SPTLC2: variants seen among roughly 807,000 people sequenced by gnomAD.
SPTLC2 encodes serine palmitoyltransferase 2.
In SPTLC2, 21 loss-of-function variants were observed where a neutral mutation model predicts 62.0. That is an observed-to-expected ratio of 0.34 (90% CI 0.24 to 0.49). The LOEUF is 0.49. Among genes scored for constraint, SPTLC2 ranks in the 20% least tolerant of loss-of-function variants. The pLI, the probability that SPTLC2 is intolerant of heterozygous loss-of-function variation, is 0.99. For missense variants in SPTLC2, 511 were observed against 713.0 expected (o/e 0.72, Z 3.23); for synonymous variants, 261 against 261.8 (o/e 1.00, Z 0.03).
At chr14:77,539,314 C>G (rs1594977957) in intron 9 of SPTLC2, among the ~76,000 whole-genome samples, 1 of 151,682 alleles carries the variant, frequency 6.6e-6, no homozygotes, top group African/African-American at 2.4e-5. Context: ...GGCAAGCCAA[C>G]AGGAGACAGT....
intron 2 of SPTLC2, among the ~76,000 whole-genome samples, chr14:77,581,650 G>A (rs1180094496): frequency 6.6e-6 from 1 of 151,974 alleles, no homozygotes; most frequent in African/African-American, 2.4e-5. Flanking sequence ...GACCTCAGGC[G>A]ATCCACCCAC....
intron 1 of SPTLC2, 126 bp downstream of exon 1, chr14:77,616,322 C>T: frequency 2.0e-6 from 1 of 491,998 alleles, no homozygotes; most frequent in Non-Finnish European, 3.0e-6. Flanking sequence ...ACACTGCCGC[C>T]CACACCTGCG....
At chr14:77,597,406 T>C (rs774748368) in intron 1 of SPTLC2, 26 bp from the exon 2 acceptor site, 21 of 1,598,536 alleles carry the variant, frequency 1.3e-5, no homozygotes, top group Admixed American at 1.2e-4. Flanking sequence ...AAAATGTTTA[T>C]TTCCATCATG....
chr14:77,610,718 G>A (rs1183327197), intron 1 of SPTLC2, among the ~76,000 whole-genome samples: 1 of 152,010 alleles, frequency 6.6e-6, no homozygotes, highest in Non-Finnish European at 1.5e-5. Context: ...TTGGTAGGCT[G>A]AAGCAGGAGG....
chr14:77,538,943 C>CTGT (rs989070418), intron 9 of SPTLC2, among the ~76,000 whole-genome samples: 37 of 151,806 alleles, frequency 2.4e-4, no homozygotes, highest in African/African-American at 9.0e-4. Flanking sequence ...AGCTGTATGG[C>CTGT]TACAGCCAAG....
chr14:77,587,225 A>G (rs897115103), intron 2 of SPTLC2, among the ~76,000 whole-genome samples: 6 of 144,938 alleles, frequency 4.1e-5, no homozygotes, highest in Non-Finnish European at 7.6e-5. Flanking sequence ...AACGAGACTC[A>G]GTCTCAAAAA....
intron 2 of SPTLC2, among the ~76,000 whole-genome samples, chr14:77,584,740 T>C (rs1285151498): frequency 2.6e-5 from 4 of 152,164 alleles, no homozygotes; most frequent in African/African-American, 4.8e-5. Context: ...CCCATTCTTT[T>C]CCTATGTTCT....
chr14:77,553,060 A>G (rs2079563958), intron 8 of SPTLC2, among the ~76,000 whole-genome samples: 1 of 152,166 alleles, frequency 6.6e-6, no homozygotes, highest in African/African-American at 2.4e-5. Context: ...GAAACTTACA[A>G]GGTATTTTAT....
chr14:77,548,938 GC>G (rs2079542605), intron 9 of SPTLC2, among the ~76,000 whole-genome samples: 1 of 152,118 alleles, frequency 6.6e-6, no homozygotes, highest in Non-Finnish European at 1.5e-5. Flanking sequence ...ACATGTTTAA[GC>G]CTTACTTTCA....
In SPTLC2 at chr14:77,550,817, T is replaced by A. The variant is rs140947370; in HGVS notation, c.1303+1279A>T. ...TACTTGGGAGGCTGAAACAGGAGAA[T>A]CATGTGAACCTGGGAAGCGGAGGTT... On this transcript the variant is annotated intron_variant, in intron 9 of 11. Transcript: ENST00000216484. Among the ~76,000 whole-genome samples, 499 of 150,468 alleles carry A rather than the reference T, an allele frequency of 3.3e-3. 1 individual carries two copies. The highest frequency in any genetic ancestry group is 0.028 in the Middle Eastern group (8 of 288).
At chr14:77,530,439 G>A (rs1166352298) in intron 9 of SPTLC2, among the ~76,000 whole-genome samples, 1 of 151,892 alleles carries the variant, frequency 6.6e-6, no homozygotes, top group Non-Finnish European at 1.5e-5. Context: ...AGCGATTCTC[G>A]TGCCTCAGCC....
Position 77,592,410 on chromosome 14 carries a change from T to C in SPTLC2, c.327+4776A>G, listed in dbSNP as rs1247674064. 2.6e-5 allele frequency among the ~76,000 whole-genome samples: 4 copies of C among 152,086 alleles called. No homozygotes were observed. The East Asian group carries it at 5.8e-4, about 22-fold the overall frequency. ...TCGGCCTCCCAAAGTGCTGGGATTA[T>C]AGGTGTGAGCCATCGCACCCGGCTG... On this transcript the variant is annotated intron_variant, in intron 2 of 11. Transcript: ENST00000216484.
chr14:77,567,447 T>C (rs143656235), intron 5 of SPTLC2, among the ~76,000 whole-genome samples: 123 of 152,362 alleles, frequency 8.1e-4, no homozygotes, highest in African/African-American at 2.7e-3. Flanking sequence ...CAGCAACGTA[T>C]TATAACGTGA....
chr14:77,571,125 C>T (rs1488792102), intron 4 of SPTLC2, among the ~76,000 whole-genome samples: 1 of 152,176 alleles, frequency 6.6e-6, no homozygotes, highest in African/African-American at 2.4e-5. Context: ...CAGGCCCTCC[C>T]TAAATTGCAG....
At chr14:77,569,779 T>C (rs537030627) in intron 5 of SPTLC2, among the ~76,000 whole-genome samples, 13 of 144,362 alleles carry the variant, frequency 9.0e-5, no homozygotes, top group African/African-American at 3.3e-4. Context: ...ATATATAATA[T>C]GTAATATGTA....
At chr14:77,517,109 G>C (rs2079363089) in intron 11 of SPTLC2, among the ~76,000 whole-genome samples, 1 of 152,156 alleles carries the variant, frequency 6.6e-6, no homozygotes, top group African/African-American at 2.4e-5. Context: ...AGCTGGGCAT[G>C]GTGGCGCATG....
At chr14:77,599,841 T>C (rs527303330) in intron 1 of SPTLC2, among the ~76,000 whole-genome samples, 1 of 152,178 alleles carries the variant, frequency 6.6e-6, no homozygotes, top group South Asian at 2.1e-4. Context: ...CAAAGCAAAA[T>C]GAAAAGCAAT....
chr14:77,556,010 G>A (rs2079581402), intron 7 of SPTLC2, among the ~76,000 whole-genome samples: 1 of 152,066 alleles, frequency 6.6e-6, no homozygotes, highest in African/African-American at 2.4e-5. Context: ...AAGACTAGGG[G>A]AAAGAAAACT....
chr14:77,512,433 G>A, intron 11 of SPTLC2, 30 bp from the exon 12 acceptor site: 1 of 1,614,114 alleles, frequency 6.2e-7, no homozygotes, highest in Non-Finnish European at 8.5e-7. Flanking sequence ...GTAGAGGTCT[G>A]TCAGAGCCAG....
Sources: allele counts gnomAD v4.1 joint callset (sites outside exome capture counted in the v4.1 genomes callset), GRCh38; gene constraint gnomAD v4.1.1; transcripts MANE v1.5; gene names NCBI Gene and HGNC (gene_info 2026-07-23, HGNC 2026-07-21).